The following TRPV1 variants were observed in gnomAD, a reference collection of about 807,000 sequenced individuals.
TRPV1 encodes transient receptor potential cation channel subfamily V member 1.
Under a neutral mutation model 82.3 loss-of-function variants are expected in TRPV1, and 82 were observed. The observed-to-expected ratio is 1.00, with a 90% confidence interval of 0.83 to 1.20. TRPV1 has a LOEUF of 1.20. Ranked by LOEUF, TRPV1 falls within the 50% of genes most tolerant of loss-of-function variation. TRPV1 has a pLI of 0.00. For synonymous variants in TRPV1, 515 were observed against 467.7 expected, an observed-to-expected ratio of 1.10 and a Z score of -1.30; for missense variants, 1,067 against 1,096.8, an observed-to-expected ratio of 0.97 and a Z score of 0.38.
intron 8 of TRPV1, among the ~76,000 whole-genome samples, chr17:3,586,825 G>A (rs536966847): frequency 2.6e-5 from 4 of 152,234 alleles, no homozygotes; most frequent in Admixed American, 6.5e-5. Flanking sequence ...TGAGACTGAT[G>A]AGCCAAAATC....
chr17:3,581,866 CTA>C (rs2075018585), intron 10 of TRPV1, among the ~76,000 whole-genome samples: 2 of 120,958 alleles, frequency 1.7e-5, no homozygotes, highest in Non-Finnish European at 3.3e-5. Context: ...GCCTGGGCAA[CTA>C]AGCGAGACTC....
Position 3,591,422 on chromosome 17 carries a change from T to C in TRPV1, c.285-69A>G, listed in dbSNP as rs960826741. The C allele has an allele frequency of 2.0e-6, 3 of 1,500,098 alleles. No homozygotes were observed. The African/African-American group carries it at 4.2e-5, about 21-fold the overall frequency. The allele number at this position is 1,500,098 out of a possible 1,614,324, so 92.9% of individuals were successfully genotyped here. A position where few individuals can be genotyped will look rare whatever the true frequency, so the allele number is the denominator to read the frequency against. ...TCGGCCCTGAGGCCTTCGGAGCTTG[T>C]CAAGGGAACACGACTAAATCCCAAG... is the stretch of plus-strand genomic sequence containing the variant. On this transcript the variant is annotated intron_variant, in intron 3 of 16. Transcript: ENST00000572705.
At position 3,585,254 on chromosome 17, in the gene TRPV1, G is replaced by T. The variant is rs145278146; in HGVS notation, c.1383+514C>A. 9.6e-3 allele frequency: 1,474 copies of T among 154,248 alleles called. 11 individuals are homozygous for T. The highest frequency in any genetic ancestry group is 0.02 in the Middle Eastern group (6 of 294). The allele number at this position is 154,248 out of a possible 1,614,324, so 9.6% of individuals were successfully genotyped here. A position where few individuals can be genotyped will look rare whatever the true frequency, so the allele number is the denominator to read the frequency against. On this transcript the variant is annotated intron_variant, in intron 9 of 16. Transcript: ENST00000572705. ...CAACCTCTGCCTCCAAGGTTTAAGC[G>T]ATTCTCCTGTCTCAGCCTCCCTGAG...
Position 3,592,457 on chromosome 17 carries a change from T to C in TRPV1, c.-33-74A>G, listed in dbSNP as rs536843677. 9.3e-5 allele frequency: 129 copies of C among 1,389,134 alleles called. 1 individual carries two copies. The Middle Eastern group carries it at 1.0e-3, about 11-fold the overall frequency. The allele number at this position is 1,389,134 out of a possible 1,614,324, so 86.1% of individuals were successfully genotyped here. A position where few individuals can be genotyped will look rare whatever the true frequency, so the allele number is the denominator to read the frequency against. ...GTCCTTAGACCCCACCTGCCCTCCT[T>C]GCCAAGGGCCCTGTGAAGCAGGGTA... On this transcript the variant is annotated intron_variant, in intron 2 of 16. Transcript: ENST00000572705.
At chr17:3,604,169 T>C (rs1406737408) in intron 2 of TRPV1, among the ~76,000 whole-genome samples, 4 of 152,190 alleles carry the variant, frequency 2.6e-5, no homozygotes, top group Non-Finnish European at 5.9e-5. Flanking sequence ...GGCTGGGCCT[T>C]GGACAAGGAG....
chr17:3,606,764 G>A (rs1419849556), intron 2 of TRPV1, among the ~76,000 whole-genome samples: 1 of 152,156 alleles, frequency 6.6e-6, no homozygotes, highest in Non-Finnish European at 1.5e-5. Context: ...GTCCTCAGAG[G>A]CAGAGTGAAT....
At chr17:3,602,643 G>A (rs901568027) in intron 2 of TRPV1, among the ~76,000 whole-genome samples, 3 of 152,020 alleles carry the variant, frequency 2.0e-5, no homozygotes, top group Non-Finnish European at 4.4e-5. Flanking sequence ...GCCAGCCAGC[G>A]GCTGGGCCAA....
intron 2 of TRPV1, 76 bp downstream of exon 2, chr17:3,608,351 A>T (rs2075312783): frequency 6.6e-6 from 1 of 152,076 alleles, no homozygotes; most frequent in Non-Finnish European, 1.5e-5. Context: ...TCTTTGGCAT[A>T]TCCGAACAGC....
chr17:3,590,141 T>G (rs201828904), intron 6 of TRPV1, 36 bp from the exon 7 acceptor site: 2 of 1,587,452 alleles, frequency 1.3e-6, no homozygotes, highest in South Asian at 1.2e-5. Flanking sequence ...GCCTCAGGAG[T>G]GAGATCCAGC....
In TRPV1 at chr17:3,571,555, G is replaced by A. The variant is rs1028217591; in HGVS notation, c.2316C>T (p.Arg772=). Residue 772 remains arginine (R), a synonymous_variant, in exon 16 of 17, where the codon CGC becomes CGT. Coordinates refer to ENST00000572705, the MANE Select transcript of TRPV1 (RefSeq NM_080704.4). The part of the protein sequence containing the change: ...EDPGNCEGVK[R]TLSFSLRSSR... ...TTGACCGCAGGGAGAAGCTCAGGGT[G>A]CGCTTGACGCCCTCACAGTTGCCCG... is the stretch of plus-strand genomic sequence containing the variant. 1.2e-6 allele frequency: 2 copies of A among 1,610,488 alleles called. No individual in the cohort carries two copies. Among genetic ancestry groups the A allele is most frequent in the Non-Finnish European group, 1.7e-6 (2 of 1,178,504 alleles).
chr17:3,567,044 G>A, intron 16 of TRPV1, 57 bp from the exon 17 acceptor site: 1 of 1,582,176 alleles, frequency 6.3e-7, no homozygotes, highest in Non-Finnish European at 8.6e-7. Context: ...TCACTTCTTG[G>A]CCTCCCAAGT....
At chr17:3,586,080 T>C (rs1279898067) in intron 8 of TRPV1, among the ~76,000 whole-genome samples, 154 bp from the exon 9 acceptor site, 1 of 152,196 alleles carries the variant, frequency 6.6e-6, no homozygotes, top group Non-Finnish European at 1.5e-5. Flanking sequence ...CCGGCAGCCA[T>C]AGCCTGGGGC....
chr17:3,577,499 A>C, intron 12 of TRPV1, 99 bp downstream of exon 12: 1 of 1,406,424 alleles, frequency 7.1e-7, no homozygotes, highest in Non-Finnish European at 9.7e-7. Context: ...GCCCCTTCCC[A>C]GGCACGACAG....
At chr17:3,607,281 T>C (rs537076936) in intron 2 of TRPV1, among the ~76,000 whole-genome samples, 2 of 151,224 alleles carry the variant, frequency 1.3e-5, no homozygotes, top group South Asian at 4.2e-4. Context: ...GAGGTGGAGG[T>C]TGCAGTGGGC....
intron 14 of TRPV1, among the ~76,000 whole-genome samples, chr17:3,572,842 G>T (rs989328680): frequency 6.6e-6 from 1 of 152,158 alleles, no homozygotes; most frequent in Non-Finnish European, 1.5e-5. Context: ...AATTAGCTGG[G>T]TGTGGTGGTG....
chr17:3,577,012 T>G, intron 13 of TRPV1, 114 bp downstream of exon 13: 1 of 1,082,720 alleles, frequency 9.2e-7, no homozygotes, highest in South Asian at 1.5e-5. Context: ...CTCAGTCACC[T>G]GCAGACATGC....
intron 2 of TRPV1, among the ~76,000 whole-genome samples, chr17:3,593,114 GTGTGTGTGTGTGTGTGTGTGTGTC>G (rs1351804696): frequency 1.9e-4 from 18 of 96,646 alleles, no homozygotes; most frequent in Admixed American, 6.9e-4. Context: ...GTGTGTGTGT[GTGTGTGTGTGTGTGTGTGTGTGTC>G]TGTGTGTCTC....
chr17:3,586,057 A>C (rs74389246), intron 8 of TRPV1, 131 bp from the exon 9 acceptor site: 280,213 of 1,199,018 alleles, frequency 0.23, 34,052 homozygotes, highest in Admixed American at 0.26. Context: ...GTGAGATGGG[A>C]GGTCTGAGCC....
intron 8 of TRPV1, among the ~76,000 whole-genome samples, chr17:3,587,944 G>A (rs749669322): frequency 3.3e-5 from 5 of 152,164 alleles, no homozygotes; most frequent in Non-Finnish European, 5.9e-5. Context: ...AGTATAAAAG[G>A]AGGGTCCTTT....
Sources: allele counts gnomAD v4.1 joint callset (sites outside exome capture counted in the v4.1 genomes callset), GRCh38; gene constraint gnomAD v4.1.1; transcripts MANE v1.5; gene names NCBI Gene and HGNC (gene_info 2026-07-23, HGNC 2026-07-21).